Variants in DLG1 observed in about 807,000 individuals in gnomAD.
DLG1 encodes the protein discs large MAGUK scaffold protein 1.
A neutral mutation model predicts 123.4 loss-of-function variants in DLG1; 42 were observed. The ratio of observed to expected loss-of-function variants is 0.34; its 90% CI spans 0.27 to 0.44. DLG1 has a LOEUF of 0.44. Ranked by LOEUF, DLG1 falls within the 20% of genes least tolerant of loss-of-function variation. The probability of loss-of-function intolerance (pLI) is 1.00; values close to 1 mark genes in which losing one functional copy is unlikely to be tolerated. For synonymous variants in DLG1, 317 were observed against 356.2 expected (o/e 0.89, Z 1.24); for missense variants, 942 against 1,082.6 (o/e 0.87, Z 1.82).
chr3:197,088,085 C>T (rs1755466838), intron 15 of DLG1, among the ~76,000 whole-genome samples: 1 of 152,072 alleles, frequency 6.6e-6, no homozygotes, highest in Non-Finnish European at 1.5e-5. Context: ...AACAGAATGA[C>T]GTGGGACAGG....
At chr3:197,134,472 C>CAAAAAAAAAAAAAAAAAAAAA (rs11319273) in intron 10 of DLG1, among the ~76,000 whole-genome samples, 1 of 96,578 alleles carries the variant, frequency 1.0e-5, no homozygotes, top group African/African-American at 3.9e-5. Flanking sequence ...TTCATAATAC[C>CAAAAAAAAAAAAAAAAAAAAA]AAAAAAAAAA....
At chr3:197,285,022 A>G (rs2151177173) in intron 3 of DLG1, among the ~76,000 whole-genome samples, 1 of 138,474 alleles carries the variant, frequency 7.2e-6, no homozygotes, top group Non-Finnish European at 1.6e-5. Flanking sequence ...AATCATTCTT[A>G]TCTATTAAAA....
chr3:197,253,655 T>TA (rs1455969472), intron 4 of DLG1, among the ~76,000 whole-genome samples: 4 of 152,118 alleles, frequency 2.6e-5, no homozygotes, highest in Non-Finnish European at 5.9e-5. Flanking sequence ...ATAATGGAAA[T>TA]AGAGAACAGA....
chr3:197,289,835 A>G (rs955348854), intron 3 of DLG1, among the ~76,000 whole-genome samples: 2 of 152,248 alleles, frequency 1.3e-5, no homozygotes, highest in African/African-American at 2.4e-5. Flanking sequence ...CACTAAAGAA[A>G]GGAAAGATGT....
At chr3:197,138,104 C>A (rs777922505) in intron 9 of DLG1, 118 bp downstream of exon 9, 9 of 540,174 alleles carry the variant, frequency 1.7e-5, no homozygotes, top group Non-Finnish European at 2.6e-5. Flanking sequence ...AAAATCCACT[C>A]AAGTTCTGTA....
At position 197,193,364 on chromosome 3, in the gene DLG1, G is replaced by A. The variant is rs185495441; in HGVS notation, c.483+1061C>T. ...AAACAATGCCAAAAATAAGAATACC[G>A]ATTGAAGAGAACATGGATCAATTAA... On this transcript the variant is annotated intron_variant, in intron 5 of 24. Transcript: ENST00000667157. 5.0e-4 allele frequency among the ~76,000 whole-genome samples: 76 copies of A among 152,170 alleles called. No individual in the cohort carries two copies. In the East Asian group the frequency reaches 0.01, roughly 21 times the overall value.
chr3:197,252,723 T>C (rs1482940447), intron 4 of DLG1, among the ~76,000 whole-genome samples: 1 of 152,172 alleles, frequency 6.6e-6, no homozygotes, highest in Non-Finnish European at 1.5e-5. Context: ...AAACTTAAAA[T>C]GGTTAGGATA....
At chr3:197,220,331 C>T (rs890746059) in intron 4 of DLG1, among the ~76,000 whole-genome samples, 10 of 151,960 alleles carry the variant, frequency 6.6e-5, no homozygotes, top group African/African-American at 2.2e-4. Flanking sequence ...TCTTTTAAAA[C>T]GTACGACTTT....
intron 4 of DLG1, among the ~76,000 whole-genome samples, chr3:197,281,303 T>C (rs1390753341): frequency 2.0e-5 from 3 of 152,108 alleles, no homozygotes; most frequent in Non-Finnish European, 4.4e-5. Context: ...CCTCCCAAAG[T>C]GCTGGGATTA....
chr3:197,225,123 A>T (rs193237897), intron 4 of DLG1, among the ~76,000 whole-genome samples: 2,736 of 152,192 alleles, frequency 0.018, 33 homozygotes, highest in Middle Eastern at 0.031. Context: ...CACCCAGCTA[A>T]TTTTTTTGTA....
intron 24 of DLG1, among the ~76,000 whole-genome samples, chr3:197,046,262 C>G (rs536282247): frequency 6.6e-6 from 1 of 151,920 alleles, no homozygotes; most frequent in Non-Finnish European, 1.5e-5. Flanking sequence ...GACAACAGCA[C>G]GCAAGGATTT....
chr3:197,218,384 C>CTTCAA (rs1735136020), intron 4 of DLG1, among the ~76,000 whole-genome samples: 1 of 152,230 alleles, frequency 6.6e-6, no homozygotes, highest in African/African-American at 2.4e-5. Context: ...TGGCTATGAA[C>CTTCAA]TTCAAGGGAA....
chr3:197,231,697 T>TAAAAA (rs11370331), intron 4 of DLG1, among the ~76,000 whole-genome samples: 1 of 126,756 alleles, frequency 7.9e-6, no homozygotes, highest in African/African-American at 2.7e-5. Flanking sequence ...CAGACCCTGT[T>TAAAAA]AAAAAAAAAA....
chr3:197,108,613 T>A (rs539247585), intron 13 of DLG1, among the ~76,000 whole-genome samples: 1 of 152,018 alleles, frequency 6.6e-6, no homozygotes. Context: ...ACTATAAATG[T>A]CTTTCGCCTT....
chr3:197,151,226 A>C (rs1373836291), intron 5 of DLG1, among the ~76,000 whole-genome samples: 4 of 152,216 alleles, frequency 2.6e-5, no homozygotes, highest in African/African-American at 7.2e-5. Context: ...GGCAAGAAAG[A>C]ATAGGATATT....
chr3:197,076,935 A>G (rs993009602), intron 17 of DLG1, among the ~76,000 whole-genome samples: 2 of 152,228 alleles, frequency 1.3e-5, no homozygotes, highest in African/African-American at 4.8e-5. Context: ...CTACTTGACA[A>G]AAAAAGGCAA....
chr3:197,225,833 T>C (rs1739598791), intron 4 of DLG1: 2 of 152,676 alleles, frequency 1.3e-5, no homozygotes, highest in Non-Finnish European at 2.9e-5. Context: ...CCAAGCTTTT[T>C]AAGGAAGTAT....
rs961730859 is a variant in DLG1, at chr3:197,093,988, T to C, written c.1547-2962A>G. Among the ~76,000 whole-genome samples the C allele has an allele frequency of 1.2e-4, 18 of 152,350 alleles. No individual in the cohort carries two copies. The South Asian group carries it at 2.5e-3, about 21-fold the overall frequency. On this transcript the variant is annotated intron_variant, in intron 14 of 24. Transcript: ENST00000667157. ...AGATTAGAAGAGGCCATGAAGCTTT[T>C]GCCTGGTTCTTCTGTAATGCTTGTT...
At chr3:197,067,861 ACT>A (rs771703387) in intron 19 of DLG1, among the ~76,000 whole-genome samples, 4 of 151,476 alleles carry the variant, frequency 2.6e-5, no homozygotes, top group East Asian at 1.9e-4. Flanking sequence ...CCGGCCAAAA[ACT>A]CTAGGAGTTT....
Sources: gnomAD v4.1 joint callset for allele counts (sites outside exome capture counted in the v4.1 genomes callset) on GRCh38, gnomAD v4.1.1 for gene constraint, MANE v1.5 for transcripts, NCBI Gene and HGNC (gene_info 2026-07-23, HGNC 2026-07-21) for gene names.